ESRRB: variants seen among roughly 807,000 people sequenced by gnomAD.
ESRRB encodes the protein estrogen related receptor beta.
Under a neutral mutation model 46.0 loss-of-function variants are expected in ESRRB, and 16 were observed. The ratio of observed to expected loss-of-function variants is 0.35; its 90% CI spans 0.24 to 0.53. ESRRB has a LOEUF of 0.53. ESRRB is among the 20% of genes least tolerant of loss of function. ESRRB has a pLI of 0.93. For missense variants in ESRRB, 488 were observed against 607.4 expected (o/e 0.80, Z 2.07); for synonymous variants, 246 against 259.6 (o/e 0.95, Z 0.50).
At chr14:76,317,330 G>GTA (rs1292102396) in intron 1 of ESRRB, among the ~76,000 whole-genome samples, 2 of 151,158 alleles carry the variant, frequency 1.3e-5, no homozygotes, top group African/African-American at 4.9e-5. Context: ...GTGTGTGTGT[G>GTA]TGTGTGTGTG....
At chr14:76,496,384 G>C (rs192137076) in intron 6 of ESRRB, among the ~76,000 whole-genome samples, 3 of 95,570 alleles carry the variant, frequency 3.1e-5, no homozygotes, top group Admixed American at 9.5e-5. Flanking sequence ...CTTAAAGCAA[G>C]AGACGGTTCG....
chr14:76,464,554 G>A (rs373923067), intron 3 of ESRRB, among the ~76,000 whole-genome samples: 3 of 152,164 alleles, frequency 2.0e-5, no homozygotes, highest in Admixed American at 6.5e-5. Context: ...CTCCTCATTC[G>A]GGGCTTCATT....
intron 3 of ESRRB, among the ~76,000 whole-genome samples, chr14:76,475,225 G>A (rs1889531805): frequency 6.6e-6 from 1 of 151,728 alleles, no homozygotes; most frequent in African/African-American, 2.4e-5. Flanking sequence ...AAAAAAAAAT[G>A]GGGTGTGGTG....
chr14:76,404,364 T>C (rs1352470690), intron 1 of ESRRB: 1 of 149,552 alleles, frequency 6.7e-6, no homozygotes, highest in Non-Finnish European at 1.5e-5. Flanking sequence ...TAATATTATA[T>C]AATATAATTA....
At chr14:76,407,810 A>T (rs1054636840) in intron 1 of ESRRB, among the ~76,000 whole-genome samples, 3 of 152,208 alleles carry the variant, frequency 2.0e-5, no homozygotes, top group African/African-American at 7.2e-5. Context: ...AGCCAGTGAG[A>T]CCCACGTGGA....
intron 1 of ESRRB, among the ~76,000 whole-genome samples, chr14:76,386,483 G>T: frequency 7.6e-6 from 1 of 131,420 alleles, no homozygotes; most frequent in South Asian, 2.5e-4. Flanking sequence ...TTGCGACAGA[G>T]TCTCACTCTG....
chr14:76,439,265 C>T, intron 1 of ESRRB, 76 bp from the exon 2 acceptor site: 1 of 1,542,894 alleles, frequency 6.5e-7, no homozygotes, highest in East Asian at 2.2e-5. Context: ...TCCCAGCCAC[C>T]CTACCTGCGG....
chr14:76,358,399 GA>G (rs1324966589), intron 1 of ESRRB, among the ~76,000 whole-genome samples: 2 of 102,570 alleles, frequency 1.9e-5, no homozygotes, highest in African/African-American at 7.9e-5. Flanking sequence ...AAGAAAGAAA[GA>G]AAGAAAGAAA....
intron 1 of ESRRB, among the ~76,000 whole-genome samples, chr14:76,429,636 G>T (rs560191225): frequency 8.5e-5 from 13 of 152,268 alleles, no homozygotes; most frequent in Admixed American, 2.0e-4. Flanking sequence ...TGTAATCCCA[G>T]CTACTCAGGA....
chr14:76,483,302 G>A (rs1889880706), intron 5 of ESRRB, among the ~76,000 whole-genome samples: 2 of 152,198 alleles, frequency 1.3e-5, no homozygotes, highest in African/African-American at 4.8e-5. Flanking sequence ...CACTTTGTGA[G>A]CTTTGATGTG....
intron 1 of ESRRB, among the ~76,000 whole-genome samples, chr14:76,358,320 A>T (rs1884409378): frequency 1.2e-5 from 1 of 83,422 alleles, no homozygotes; most frequent in African/African-American, 4.2e-5. Context: ...TCAAAAAAAA[A>T]AAAAAAGAAA....
At position 76,380,724 on chromosome 14, in the gene ESRRB, T is replaced by C. The variant is rs923349425; in HGVS notation, c.50+4273T>C. Among the ~76,000 whole-genome samples the C allele has an allele frequency of 6.5e-4, 99 of 152,276 alleles. 2 individuals are homozygous for C. Among genetic ancestry groups the C allele is most frequent in the African/African-American group, 2.3e-3 (95 of 41,560 alleles). Reference sequence around the variant, plus strand: ...AGCTTCTGTCGTAGAGTCTGGTGGCTCTTGACTGAATGTTACTGGGGTGGG... The same window carrying C: ...AGCTTCTGTCGTAGAGTCTGGTGGCCCTTGACTGAATGTTACTGGGGTGGG... On this transcript the variant is annotated intron_variant, in intron 1 of 6. Transcript: ENST00000644823.
At chr14:76,460,156 T>A (rs1401237784) in intron 2 of ESRRB, among the ~76,000 whole-genome samples, 1 of 152,190 alleles carries the variant, frequency 6.6e-6, no homozygotes, top group Non-Finnish European at 1.5e-5. Context: ...TCCATCCATA[T>A]CCCATGTGGG....
intron 1 of ESRRB, among the ~76,000 whole-genome samples, chr14:76,384,876 C>T (rs892431266): frequency 3.9e-5 from 6 of 152,116 alleles, no homozygotes; most frequent in African/African-American, 1.4e-4. Flanking sequence ...GGCCGTTGTC[C>T]CTGCTCCTGA....
At chr14:76,328,112 C>T (rs1883956909) in intron 1 of ESRRB, among the ~76,000 whole-genome samples, 1 of 152,260 alleles carries the variant, frequency 6.6e-6, no homozygotes, top group South Asian at 2.1e-4. Context: ...AGACCTCAAA[C>T]AAGTAAGGAG....
chr14:76,311,798 C>A (rs1883738284), intron 1 of ESRRB, among the ~76,000 whole-genome samples: 1 of 152,172 alleles, frequency 6.6e-6, no homozygotes, highest in Non-Finnish European at 1.5e-5. Flanking sequence ...CCTCGGGCGG[C>A]TCTAGATGGG....
chr14:76,337,553 T>G (rs1161356844), intron 1 of ESRRB, among the ~76,000 whole-genome samples: 2 of 151,962 alleles, frequency 1.3e-5, no homozygotes, highest in Admixed American at 1.3e-4. Flanking sequence ...TAGGTGTGTG[T>G]GGGCGGGGGC....
At chr14:76,451,946 AT>A (rs34732084) in intron 2 of ESRRB, among the ~76,000 whole-genome samples, 22,576 of 139,676 alleles carry the variant, frequency 0.16, 2,193 homozygotes, top group African/African-American at 0.3. Context: ...GCAGGAAGCA[AT>A]TTTTTTTTTT....
intron 1 of ESRRB, among the ~76,000 whole-genome samples, chr14:76,431,766 T>A (rs753478020): frequency 7.9e-5 from 12 of 152,128 alleles, no homozygotes; most frequent in Admixed American, 7.9e-4. Flanking sequence ...TCCCTCCCCA[T>A]GAAGAGTCAA....
Sources: gnomAD v4.1 joint callset for allele counts (sites outside exome capture counted in the v4.1 genomes callset) on GRCh38, gnomAD v4.1.1 for gene constraint, MANE v1.5 for transcripts, NCBI Gene and HGNC (gene_info 2026-07-23, HGNC 2026-07-21) for gene names.